MPPED1: variants seen among roughly 807,000 people sequenced by gnomAD.
MPPED1 encodes metallophosphoesterase domain containing 1.
In MPPED1, 16 loss-of-function variants were observed where a neutral mutation model predicts 36.2. The observed-to-expected ratio is 0.44, with a 90% CI of 0.30 to 0.67. The LOEUF is 0.67. MPPED1 is among the 30% of genes least tolerant of loss of function. The pLI is 0.10. For synonymous variants in MPPED1, 199 were observed against 191.3 expected (o/e 1.04, Z -0.33); for missense variants, 307 against 453.4 (o/e 0.68, Z 2.93).
In MPPED1 at chr22:43,505,486, C is replaced by T; in HGVS notation, c.863-12C>T. 1 of 1,597,746 alleles carries T rather than the reference C, an allele frequency of 6.3e-7. No homozygotes were observed. Among genetic ancestry groups the T allele is most frequent in the South Asian group, 1.1e-5 (1 of 87,808 alleles). ...TGGCTGCTGGCCTGATGGGCATGTG[C>T]TTACTTTCCAGGGTATGGTGTCATG... On this transcript the variant is annotated splice_polypyrimidine_tract_variant and intron_variant, in intron 6 of 6. Transcript: ENST00000443721.
intron 4 of MPPED1, 145 bp downstream of exon 4, chr22:43,475,106 C>T (rs1254420136): frequency 1.5e-6 from 1 of 687,910 alleles, no homozygotes; most frequent in Non-Finnish European, 2.4e-6. Flanking sequence ...CTCTGTGTGA[C>T]CTAGGCAGGT....
intron 5 of MPPED1, among the ~76,000 whole-genome samples, chr22:43,500,058 GTGGTGA>G (rs1242676154): frequency 5.2e-5 from 6 of 115,750 alleles, no homozygotes; most frequent in Admixed American, 1.6e-4. Flanking sequence ...GGGGGTGGTG[GTGGTGA>G]TGGTGATGGA....
chr22:43,499,331 G>A (rs1488756003), intron 5 of MPPED1, among the ~76,000 whole-genome samples: 6 of 121,182 alleles, frequency 5.0e-5, no homozygotes, highest in African/African-American at 1.6e-4. Context: ...CGTGGGAGGT[G>A]GTGGTGGTGG....
intron 1 of MPPED1, among the ~76,000 whole-genome samples, chr22:43,415,316 G>T (rs1247584920): frequency 1.3e-5 from 2 of 150,714 alleles, no homozygotes; most frequent in Non-Finnish European, 2.9e-5. Context: ...TTGGAGGAAA[G>T]GTATAAATTG....
chr22:43,497,388 G>A (rs897283729), intron 4 of MPPED1, among the ~76,000 whole-genome samples: 2 of 152,030 alleles, frequency 1.3e-5, no homozygotes, highest in Non-Finnish European at 2.9e-5. Flanking sequence ...GGTAGGGTGG[G>A]TGTCTGGTCC....
chr22:43,459,528 C>T (rs1930873402), intron 3 of MPPED1, among the ~76,000 whole-genome samples: 2 of 152,180 alleles, frequency 1.3e-5, no homozygotes, highest in Admixed American at 6.5e-5. Context: ...TTTTTCCTTT[C>T]TGTTCCTCAA....
intron 1 of MPPED1, 121 bp from the exon 2 acceptor site, chr22:43,424,787 A>G (rs1929399493): frequency 1.5e-6 from 2 of 1,315,618 alleles, no homozygotes. Context: ...TTTGAGCTGT[A>G]CGACTGTGTT....
At chr22:43,478,876 G>A (rs1223135371) in intron 4 of MPPED1, among the ~76,000 whole-genome samples, 2 of 152,134 alleles carry the variant, frequency 1.3e-5, no homozygotes, top group African/African-American at 2.4e-5. Context: ...GTGACATGAC[G>A]TGATCTAGGG....
At chr22:43,471,426 A>G (rs1025877049) in intron 3 of MPPED1, among the ~76,000 whole-genome samples, 1 of 152,106 alleles carries the variant, frequency 6.6e-6, no homozygotes, top group Non-Finnish European at 1.5e-5. Flanking sequence ...GCCCGTCTAG[A>G]GGGGTGGGGT....
chr22:43,487,397 G>A (rs1260832955), intron 4 of MPPED1, among the ~76,000 whole-genome samples: 1 of 152,196 alleles, frequency 6.6e-6, no homozygotes, highest in African/African-American at 2.4e-5. Flanking sequence ...GACATGGGTG[G>A]TGAGCTCCGT....
At chr22:43,471,599 G>A (rs746116918) in intron 3 of MPPED1, among the ~76,000 whole-genome samples, 18 of 152,326 alleles carry the variant, frequency 1.2e-4, no homozygotes, top group South Asian at 8.3e-4. Context: ...TCCAGAAGTG[G>A]CCATCTTTCC....
chr22:43,490,793 A>C (rs1487465908), intron 4 of MPPED1, among the ~76,000 whole-genome samples: 1 of 152,212 alleles, frequency 6.6e-6, no homozygotes, highest in African/African-American at 2.4e-5. Flanking sequence ...CTTCTAAGCC[A>C]CTGAGTCCTT....
intron 4 of MPPED1, among the ~76,000 whole-genome samples, chr22:43,476,697 G>A (rs1309725217): frequency 2.0e-5 from 3 of 152,110 alleles, no homozygotes; most frequent in Non-Finnish European, 1.5e-5. Flanking sequence ...GCAGGTGCCT[G>A]CTGTCATCTC....
intron 4 of MPPED1, among the ~76,000 whole-genome samples, chr22:43,495,482 G>A (rs1327745385): frequency 3.8e-5 from 2 of 52,698 alleles, no homozygotes; most frequent in Non-Finnish European, 6.7e-5. Flanking sequence ...GGTGGAGGTG[G>A]TGGTGGAGGT....
At chr22:43,482,246 G>T (rs545641051) in intron 4 of MPPED1, among the ~76,000 whole-genome samples, 1 of 152,310 alleles carries the variant, frequency 6.6e-6, no homozygotes, top group African/African-American at 2.4e-5. Context: ...AGTGAAATTG[G>T]CACGCAGCGA....
intron 1 of MPPED1, among the ~76,000 whole-genome samples, chr22:43,412,786 A>G (rs547602622): frequency 1.3e-5 from 2 of 152,244 alleles, no homozygotes; most frequent in Non-Finnish European, 1.5e-5. Flanking sequence ...CCAGCCCTCA[A>G]AGGGAATGTT....
At chr22:43,435,316 G>C in intron 3 of MPPED1, 101 bp downstream of exon 3, 1 of 1,337,304 alleles carries the variant, frequency 7.5e-7, no homozygotes, top group South Asian at 1.4e-5. Flanking sequence ...TGCGCTGCCC[G>C]GGCCCCCTCC....
intron 3 of MPPED1, among the ~76,000 whole-genome samples, chr22:43,470,138 CCATCTATATATA>C (rs1931322443): frequency 1.3e-5 from 2 of 150,996 alleles, no homozygotes; most frequent in African/African-American, 4.9e-5. Flanking sequence ...ATCCATTCAT[CCATCTATATATA>C]CATCTATATA....
chr22:43,424,823 C>T (rs1929402475), intron 1 of MPPED1, 85 bp from the exon 2 acceptor site: 1 of 1,435,446 alleles, frequency 7.0e-7, no homozygotes, highest in Non-Finnish European at 9.1e-7. Context: ...CCCGCCCTCT[C>T]CCTCTTTCTA....
Sources: allele counts gnomAD v4.1 joint callset (sites outside exome capture counted in the v4.1 genomes callset), GRCh38; gene constraint gnomAD v4.1.1; transcripts MANE v1.5; gene names NCBI Gene and HGNC (gene_info 2026-07-23, HGNC 2026-07-21).